WASHC2C: variants seen among roughly 807,000 people sequenced by gnomAD.
The protein encoded by WASHC2C is Vaccinia Penetration Factor.
WASHC2C carries 73 observed loss-of-function variants against 142.2 expected under a neutral mutation model. The observed-to-expected ratio is 0.51, with a 90% CI of 0.43 to 0.62. The LOEUF (loss-of-function observed/expected upper bound fraction) is 0.62, where lower values mean the gene tolerates loss of function less well. WASHC2C is among the 20% of genes least tolerant of loss of function. The pLI is 0.00. For missense variants in WASHC2C, 969 were observed against 1,531.7 expected, an observed-to-expected ratio of 0.63 and a Z score of 6.13; for synonymous variants, 337 against 565.5, an observed-to-expected ratio of 0.60 and a Z score of 5.73.
chr10:45,748,866 A>G (rs1219495054), intron 8 of WASHC2C, among the ~76,000 whole-genome samples: 1 of 152,200 alleles, frequency 6.6e-6, no homozygotes, highest in African/African-American at 2.4e-5. Flanking sequence ...CATACTCTTC[A>G]GAGGTAACTG....
intron 19 of WASHC2C, among the ~76,000 whole-genome samples, chr10:45,767,846 C>T (rs1387449629): frequency 2.4e-5 from 3 of 124,486 alleles, no homozygotes; most frequent in African/African-American, 9.3e-5. Flanking sequence ...GTGTGTGGCC[C>T]ATGGGCCACA....
rs200793365 is a variant in WASHC2C, at chr10:45,755,104, C to G, written c.1409C>G (p.Pro470Arg). Residue 470 changes from proline (P) to arginine (R), a missense_variant, in exon 15 of 31, where the codon CCT (proline) becomes CGT (arginine). By Grantham distance (103) the Pro-to-Arg change is moderately radical. Transcript: ENST00000623400. ...TTTTTCTCGGCACCCCACAGCAAAC[C>G]TTCTAAAACACGTATGTGTTCCTGC... is the stretch of plus-strand genomic sequence containing the variant. ...DDFFSAPHSK[P>R]SKTRKVQSTA... The G allele has an allele frequency of 3.3e-4, 538 of 1,608,628 alleles. 5 individuals carry two copies. The African/African-American group carries it at 6.4e-3, about 19-fold the overall frequency.
chr10:45,771,877 A>G (rs1554884768), intron 20 of WASHC2C: 2 of 668,898 alleles, frequency 3.0e-6, no homozygotes, highest in African/African-American at 2.0e-5. Flanking sequence ...TCACCATATG[A>G]CATAATAGTT....
Position 45,749,832 on chromosome 10 carries a change from A to T in WASHC2C, c.733-264A>T, listed in dbSNP as rs2053323434. Among the ~76,000 whole-genome samples the T allele has an allele frequency of 7.7e-5, 5 of 65,254 alleles. 1 individual carries two copies. The South Asian group carries it at 2.7e-3, about 35-fold the overall frequency. The allele number at this position is 65,254 out of a possible 152,430, so 42.8% of individuals were successfully genotyped here. On this transcript the variant is annotated intron_variant, in intron 8 of 30. Transcript: ENST00000623400. The stretch of plus-strand genomic sequence containing the variant: ...CAGAGCAAGACTCCATCTCAAAAAA[A>T]AAAAATATATATATATATATATATT...
chr10:45,792,068 C>T (rs1270562992), intron 30 of WASHC2C, among the ~76,000 whole-genome samples, 193 bp from the exon 31 acceptor site: 1 of 144,124 alleles, frequency 6.9e-6, no homozygotes, highest in Non-Finnish European at 1.5e-5. Flanking sequence ...CAAGAGAAAC[C>T]TGTGTGTGAT....
intron 23 of WASHC2C, among the ~76,000 whole-genome samples, chr10:45,784,252 GTATATATATATATATATATA>G (rs71225139): frequency 2.5e-5 from 1 of 40,736 alleles, no homozygotes; most frequent in Admixed American, 3.5e-4. Flanking sequence ...GTGTGTGTGT[GTATATATATATATATATATA>G]TATATATATA....
chr10:45,748,392 T>C (rs186746595), intron 8 of WASHC2C, among the ~76,000 whole-genome samples: 171 of 148,464 alleles, frequency 1.2e-3, no homozygotes, highest in African/African-American at 3.7e-3. Flanking sequence ...TCGGTTCAAG[T>C]GATTCTCATG....
At chr10:45,735,501 A>C (rs2051109113) in intron 3 of WASHC2C, among the ~76,000 whole-genome samples, 1 of 152,012 alleles carries the variant, frequency 6.6e-6, no homozygotes, top group African/African-American at 2.4e-5. Flanking sequence ...CTGGGATTAC[A>C]GGTATGAGCC....
intron 4 of WASHC2C, among the ~76,000 whole-genome samples, chr10:45,738,708 A>C (rs1487598752): frequency 6.6e-6 from 1 of 152,080 alleles, no homozygotes; most frequent in Non-Finnish European, 1.5e-5. Context: ...TTTATTTAAA[A>C]AATTTTTTTA....
Position 45,727,479 on chromosome 10 carries a change from G to C in WASHC2C, c.66G>C (p.Pro22=). The C allele has an allele frequency of 1.2e-6, 2 of 1,608,508 alleles. No homozygotes were observed. The highest frequency in any genetic ancestry group is 8.5e-7 in the Non-Finnish European group (1 of 1,178,614). ...VPASEPVWER[P]WSVEEIRRSS... Reference sequence around the variant, plus strand: ...CGTCGGAGCCCGTGTGGGAGCGGCCGTGGTCGGTGGAGGAGATCCGCAGGA... The same window carrying C: ...CGTCGGAGCCCGTGTGGGAGCGGCCCTGGTCGGTGGAGGAGATCCGCAGGA... Residue 22 remains proline, a synonymous_variant, in exon 2 of 31, where the codon CCG becomes CCC. Transcript: ENST00000623400.
At chr10:45,727,711 A>G (rs2133960334) in intron 2 of WASHC2C, among the ~76,000 whole-genome samples, 172 bp downstream of exon 2, 1 of 151,312 alleles carries the variant, frequency 6.6e-6, no homozygotes, top group East Asian at 2.0e-4. Flanking sequence ...CCCGGCCACC[A>G]GGGAGAGGGG....
At chr10:45,728,792 T>G in intron 2 of WASHC2C, 70 bp from the exon 3 acceptor site, 6 of 1,521,758 alleles carry the variant, frequency 3.9e-6, no homozygotes, top group Non-Finnish European at 5.3e-6. Context: ...AAATGGGTTC[T>G]TTTTTGATGT....
chr10:45,775,103 C>T (rs1554885954), intron 21 of WASHC2C, among the ~76,000 whole-genome samples: 1 of 133,140 alleles, frequency 7.5e-6, no homozygotes, highest in Non-Finnish European at 1.6e-5. Flanking sequence ...CGTTCATAGG[C>T]CCGGTTTCTA....
intron 8 of WASHC2C, among the ~76,000 whole-genome samples, chr10:45,749,863 A>ATATTTATATATATTTATATTTATATT (rs1447802238): frequency 1.7e-5 from 2 of 116,632 alleles, no homozygotes; most frequent in African/African-American, 7.4e-5. Context: ...ATATTTATAT[A>ATATTTATATATATTTATATTTATATT]TATATATATT....
chr10:45,783,544 C>T (rs2057683701), intron 23 of WASHC2C, among the ~76,000 whole-genome samples: 1 of 152,148 alleles, frequency 6.6e-6, no homozygotes, highest in African/African-American at 2.4e-5. Context: ...CCACTGCAGC[C>T]TCTGCCTCCC....
In WASHC2C at chr10:45,765,317, C is replaced by T. The variant is rs1191414210; in HGVS notation, c.1738-362C>T. ...CAACAGTGTGAGTTTCTGGCTGCTG[C>T]GGGGGCTCCCGTGCCCATCGCAGGC... On this transcript the variant is annotated intron_variant, in intron 18 of 30. Coordinates refer to ENST00000623400, the MANE Select transcript of WASHC2C (RefSeq NM_001330074.2). Among the ~76,000 whole-genome samples the T allele has an allele frequency of 8.7e-4, 131 of 150,998 alleles. 1 individual carries two copies. Among genetic ancestry groups the T allele is most frequent in the African/African-American group, 3.0e-3 (121 of 40,912 alleles).
chr10:45,754,426 A>C (rs543095438), intron 13 of WASHC2C, 60 bp from the exon 14 acceptor site: 1 of 1,603,144 alleles, frequency 6.2e-7, no homozygotes, highest in East Asian at 2.2e-5. Context: ...TTTCAGGAAG[A>C]AAATAGCAAG....
rs2056141023 is a variant in WASHC2C at position 45,768,166 on chromosome 10, G to A, written c.1870-1283G>A. ...CACTTGAACCCGGGAGGCAGAGGTT[G>A]CAGTGAGCCGAGACCGCGCCACTGC... On this transcript the variant is annotated intron_variant, in intron 19 of 30. Transcript: ENST00000623400. Among the ~76,000 whole-genome samples, 4 of 151,526 alleles carry A rather than the reference G, an allele frequency of 2.6e-5. No homozygotes were observed. In the South Asian group the frequency reaches 8.3e-4, roughly 31 times the overall value.
chr10:45,787,883 T>TG (rs1448699932), intron 28 of WASHC2C, among the ~76,000 whole-genome samples: 3 of 152,270 alleles, frequency 2.0e-5, no homozygotes, highest in Non-Finnish European at 4.4e-5. Context: ...CACTGTTTCA[T>TG]GGGATCTCCT....
Sources: gnomAD v4.1 joint callset for allele counts (sites outside exome capture counted in the v4.1 genomes callset) on GRCh38, gnomAD v4.1.1 for gene constraint, MANE v1.5 for transcripts, NCBI Gene and HGNC (gene_info 2026-07-23, HGNC 2026-07-21) for gene names.